The following CCDC60 variants were observed in gnomAD, a reference collection of about 807,000 sequenced individuals.
CCDC60 encodes the protein coiled-coil domain-containing protein 60.
A neutral mutation model predicts 63.5 loss-of-function variants in CCDC60; 54 were observed. The ratio of observed to expected loss-of-function variants is 0.85; its 90% CI spans 0.68 to 1.07. The LOEUF is 1.07. Among genes scored for constraint, CCDC60 ranks in the 50% least tolerant of loss-of-function variants. CCDC60 has a pLI of 0.00. For synonymous variants in CCDC60, 206 were observed against 238.8 expected, an observed-to-expected ratio of 0.86 and a Z score of 1.27; for missense variants, 651 against 684.3, an observed-to-expected ratio of 0.95 and a Z score of 0.54.
chr12:119,360,309 C>T, intron 1 of CCDC60, among the ~76,000 whole-genome samples: 1 of 148,466 alleles, frequency 6.7e-6, no homozygotes, highest in East Asian at 2.2e-4. Context: ...CCCCACCTCC[C>T]TCCCGGACTG....
Position 119,516,616 on chromosome 12 carries a change from T to C in CCDC60, c.884-7T>C, listed in dbSNP as rs767242317. ...TGGTCAAGGGTGACCTCTCATATTCTCATCAGATCTGCAGAAGCTCCTGGA... is the reference window on the plus strand; with the variant it reads ...TGGTCAAGGGTGACCTCTCATATTCCCATCAGATCTGCAGAAGCTCCTGGA... On this transcript the variant is annotated splice_region_variant and splice_polypyrimidine_tract_variant and intron_variant, in intron 7 of 13. Transcript: ENST00000327554. 6.5e-5 allele frequency: 104 copies of C among 1,607,670 alleles called. No homozygotes were observed. Among genetic ancestry groups the C allele is most frequent in the Non-Finnish European group, 7.8e-5 (92 of 1,174,624 alleles).
chr12:119,530,833 C>T, intron 12 of CCDC60, 41 bp from the exon 13 acceptor site: 2 of 1,565,542 alleles, frequency 1.3e-6, no homozygotes, highest in East Asian at 4.5e-5. Flanking sequence ...CTCAGATCTT[C>T]CAGCAGCTTC....
rs184391858 is a variant in CCDC60, at chr12:119,410,868, G to A, written c.91-17815G>A. Among the ~76,000 whole-genome samples, 799 of 152,184 alleles carry A rather than the reference G, an allele frequency of 5.3e-3. 7 individuals carry two copies. The highest frequency in any genetic ancestry group is 5.9e-3 in the Non-Finnish European group (398 of 68,002). Reference sequence around the variant, plus strand: ...AGCAATTCTCCTGCCTCAGCCTTCTGAGTAGCTGGGACTACAGGCACGCAC... The same window carrying A: ...AGCAATTCTCCTGCCTCAGCCTTCTAAGTAGCTGGGACTACAGGCACGCAC... On this transcript the variant is annotated intron_variant, in intron 1 of 13. Transcript: ENST00000327554. The surrounding 1 kb of genome is among the most constrained non-coding windows in gnomAD (Gnocchi z 4.0).
At chr12:119,437,769 C>T (rs751126116) in intron 2 of CCDC60, among the ~76,000 whole-genome samples, 1 of 152,308 alleles carries the variant, frequency 6.6e-6, no homozygotes, top group South Asian at 2.1e-4. Context: ...AGACTTGAGA[C>T]CTTGCCTCAA....
chr12:119,441,510 T>C (rs1386788148), intron 2 of CCDC60, among the ~76,000 whole-genome samples: 2 of 152,128 alleles, frequency 1.3e-5, no homozygotes, highest in Non-Finnish European at 2.9e-5. Context: ...AGAAGGAACA[T>C]TACCAAGGCC....
chr12:119,432,876 C>A (rs935458274), intron 2 of CCDC60, among the ~76,000 whole-genome samples: 5 of 152,140 alleles, frequency 3.3e-5, no homozygotes, highest in Admixed American at 1.3e-4. Context: ...TAAATAAATT[C>A]TATTAAAGCA....
Position 119,456,047 on chromosome 12 carries a change from G to GAAAGAAAGAA in CCDC60, c.171-15945_171-15936dup, listed in dbSNP as rs1566019530. Among the ~76,000 whole-genome samples the GAAAGAAAGAA allele has an allele frequency of 6.8e-6, 1 of 147,316 alleles. No homozygotes were observed. Among genetic ancestry groups the GAAAGAAAGAA allele is most frequent in the Non-Finnish European group, 1.5e-5 (1 of 67,174 alleles). ...AGAAAGAAAGAAAGAAAGAAAGAAA[G>GAAAGAAAGAA]AAAGAAAGAAAGAAAGCAAGCAAGC... On this transcript the variant is annotated intron_variant, in intron 2 of 13. Coordinates refer to ENST00000327554, the MANE Select transcript of CCDC60 (RefSeq NM_178499.5). This position sits in a 1 kb window ranked among gnomAD's most constrained non-coding sequence, Gnocchi z 4.6.
At chr12:119,525,006 C>T (rs1240352555) in intron 11 of CCDC60, among the ~76,000 whole-genome samples, 1 of 151,948 alleles carries the variant, frequency 6.6e-6, no homozygotes, top group Non-Finnish European at 1.5e-5. Flanking sequence ...GATGATATTT[C>T]CAGGGCACTT....
At chr12:119,533,823 C>T (rs1029637256) in intron 13 of CCDC60, among the ~76,000 whole-genome samples, 5 of 152,084 alleles carry the variant, frequency 3.3e-5, no homozygotes. Context: ...TTACTGTAGC[C>T]TTGTAGTATA....
At chr12:119,448,391 T>G (rs1402484680) in intron 2 of CCDC60, among the ~76,000 whole-genome samples, 1 of 152,200 alleles carries the variant, frequency 6.6e-6, no homozygotes, top group Admixed American at 6.5e-5. Context: ...TTTGGGCAAG[T>G]GGCTTCAATC....
Position 119,436,824 on chromosome 12 carries a change from A to T in CCDC60, c.170+8062A>T, listed in dbSNP as rs530907762. ...AGTGCTGGGATTACAGGCATGAGCC[A>T]CTGTGCCCGGCCGAGTGATACCAAT... is the stretch of plus-strand genomic sequence containing the variant. On this transcript the variant is annotated intron_variant, in intron 2 of 13. Coordinates refer to ENST00000327554, the MANE Select transcript of CCDC60 (RefSeq NM_178499.5). Among the ~76,000 whole-genome samples the T allele has an allele frequency of 9.7e-4, 148 of 152,314 alleles. 1 individual carries two copies. Among genetic ancestry groups the T allele is most frequent in the Admixed American group, 1.6e-3 (24 of 15,308 alleles).
chr12:119,352,584 G>C (rs186982187), intron 1 of CCDC60, among the ~76,000 whole-genome samples: 2 of 152,288 alleles, frequency 1.3e-5, no homozygotes, highest in Admixed American at 1.3e-4. Flanking sequence ...TCTGCAACAT[G>C]ACCAGAGCTG....
chr12:119,474,296 T>C (rs1951130270), intron 3 of CCDC60, among the ~76,000 whole-genome samples: 1 of 152,362 alleles, frequency 6.6e-6, no homozygotes, highest in Admixed American at 6.5e-5. Flanking sequence ...GAATCCAAAC[T>C]GCCAGGTCAT....
intron 5 of CCDC60, among the ~76,000 whole-genome samples, chr12:119,495,782 C>T (rs770963972): frequency 3.9e-5 from 6 of 152,168 alleles, no homozygotes; most frequent in Admixed American, 6.5e-5. Context: ...ACAGACAACA[C>T]CCCAGCTCTC....
At chr12:119,362,584 T>C (rs893960707) in intron 1 of CCDC60, among the ~76,000 whole-genome samples, 34 of 152,254 alleles carry the variant, frequency 2.2e-4, no homozygotes, top group Non-Finnish European at 4.7e-4. Context: ...TCCACAGTGT[T>C]GCACGTATCA....
chr12:119,516,500 C>T, intron 7 of CCDC60, 123 bp from the exon 8 acceptor site: 1 of 642,384 alleles, frequency 1.6e-6, no homozygotes, highest in South Asian at 1.9e-5. Context: ...AGTGGAATCT[C>T]TCTCCAGATC....
rs1212467538 is a variant in CCDC60, at chr12:119,394,508, C to A, written c.91-34175C>A. Reference sequence around the variant, plus strand: ...AGCCCAAGGAGACCTCTCACTGCCCCCCAGGCATCCCCTAAAAGCACAGTT... The same window carrying A: ...AGCCCAAGGAGACCTCTCACTGCCCACCAGGCATCCCCTAAAAGCACAGTT... On this transcript the variant is annotated intron_variant, in intron 1 of 13. Coordinates refer to ENST00000327554, the MANE Select transcript of CCDC60 (RefSeq NM_178499.5). Among the ~76,000 whole-genome samples the A allele has an allele frequency of 5.9e-5, 9 of 152,328 alleles. No individual in the cohort carries two copies. The South Asian group carries it at 1.7e-3, about 28-fold the overall frequency.
chr12:119,459,735 G>A (rs1474787894), intron 2 of CCDC60, among the ~76,000 whole-genome samples: 1 of 152,158 alleles, frequency 6.6e-6, no homozygotes, highest in African/African-American at 2.4e-5. Context: ...ACCAGGAACT[G>A]ACTCAGTGCA....
intron 2 of CCDC60, among the ~76,000 whole-genome samples, chr12:119,447,369 T>G (rs557530864): frequency 3.0e-4 from 46 of 152,250 alleles, no homozygotes; most frequent in African/African-American, 1.1e-3. Flanking sequence ...CCTAAGGAGT[T>G]GTGGGTCTCC....
Sources: gnomAD v4.1 joint callset for allele counts (sites outside exome capture counted in the v4.1 genomes callset) on GRCh38, gnomAD v4.1.1 for gene constraint, Gnocchi (gnomAD v3.1) non-coding constraint, MANE v1.5 for transcripts, NCBI Gene and HGNC (gene_info 2026-07-23, HGNC 2026-07-21) for gene names.